Variants in NRG2 observed in about 807,000 individuals in gnomAD.
NRG2 encodes pro-neuregulin-2, membrane-bound isoform.
Under a neutral mutation model 73.9 loss-of-function variants are expected in NRG2, and 27 were observed. The ratio of observed to expected loss-of-function variants is 0.37; its 90% CI spans 0.27 to 0.50. NRG2 has a LOEUF of 0.50. NRG2 is among the 20% of genes least tolerant of loss of function. NRG2 has a pLI of 0.96. For synonymous variants in NRG2, 532 were observed against 541.0 expected, an observed-to-expected ratio of 0.98 and a Z score of 0.23; for missense variants, 1,126 against 1,210.1, an observed-to-expected ratio of 0.93 and a Z score of 1.03.
intron 1 of NRG2, among the ~76,000 whole-genome samples, chr5:139,931,813 T>C (rs1752485713): frequency 6.6e-6 from 1 of 152,202 alleles, no homozygotes; most frequent in Non-Finnish European, 1.5e-5. Context: ...ATCAGTTAAC[T>C]TGAAGACAAA....
At position 139,848,411 on chromosome 5, in the gene NRG2, G is replaced by A. The variant is rs1761164077; in HGVS notation, c.2059C>T (p.Arg687Trp). The A allele has an allele frequency of 1.1e-5, 14 of 1,268,040 alleles. No individual in the cohort carries two copies. Among genetic ancestry groups the A allele is most frequent in the Middle Eastern group, 6.0e-4 (2 of 3,320 alleles). 78.5% of individuals were successfully genotyped at this position (1,268,040 alleles called of 1,614,324 possible). A position where few individuals can be genotyped will look rare whatever the true frequency, so the allele number is the denominator to read the frequency against. ...YYYPAAGPGP[R>W]RGTCALGGSL... ...CCGCCGAGCGCGCAGGTCCCGCGCC[G>A]CGGTCCGGGCCCCGCCGCGGGGTAA... The change falls in exon 10 of 10, where the codon CGG becomes TGG. Residue 687 changes from arginine to tryptophan, a missense_variant. Around this residue, in one of 3 missense-constraint regions of NRG2, gnomAD observed 402 missense variants for 357.8 expected, o/e 1.12. Transcript: ENST00000361474.
At chr5:139,997,795 C>T (rs537500302) in intron 1 of NRG2, among the ~76,000 whole-genome samples, 1 of 152,224 alleles carries the variant, frequency 6.6e-6, no homozygotes, top group South Asian at 2.1e-4. Context: ...AACTTCCAAG[C>T]CTGCTGCCTA....
intron 1 of NRG2, among the ~76,000 whole-genome samples, chr5:139,935,129 C>T (rs1294400486): frequency 6.6e-6 from 1 of 152,120 alleles, no homozygotes; most frequent in Non-Finnish European, 1.5e-5. Flanking sequence ...GATCATGCCA[C>T]TGTACTCCAG....
chr5:139,859,825 G>A lies in NRG2; in HGVS notation c.1190-4047C>T. The A allele has an allele frequency of 2.0e-6, 3 of 1,529,430 alleles. No individual in the cohort carries two copies. The South Asian group carries it at 3.4e-5, about 18-fold the overall frequency. The allele number at this position is 1,529,430 out of a possible 1,614,324, so 94.7% of individuals were successfully genotyped here. On this transcript the variant is annotated intron_variant, in intron 5 of 9. Coordinates refer to ENST00000361474, the MANE Select transcript of NRG2 (RefSeq NM_004883.3). Reference sequence around the variant, plus strand: ...AGGAAACCAAACATTCAGCACACATGGCATCGGAGGCTGTGGAGAGGGGCC... The same window carrying A: ...AGGAAACCAAACATTCAGCACACATAGCATCGGAGGCTGTGGAGAGGGGCC...
At chr5:139,993,272 A>C (rs149929640) in intron 1 of NRG2, among the ~76,000 whole-genome samples, 1 of 152,284 alleles carries the variant, frequency 6.6e-6, no homozygotes, top group Admixed American at 6.5e-5. Flanking sequence ...ACCATGGGCT[A>C]TGAGGCCCAC....
In NRG2 at chr5:139,915,781, T is replaced by C. The variant is rs1751204435; in HGVS notation, c.701-28270A>G. ...TGAAAGGAAGGATCATGGTGACATT[T>C]GTATCGCAAAAGATGAGCTGAGAGT... On this transcript the variant is annotated intron_variant, in intron 1 of 9. Coordinates refer to ENST00000361474, the MANE Select transcript of NRG2 (RefSeq NM_004883.3). The surrounding 1 kb of genome is among the most constrained non-coding windows in gnomAD (Gnocchi z 4.0). Among the ~76,000 whole-genome samples, 1 of 152,204 alleles carries C rather than the reference T, an allele frequency of 6.6e-6. No homozygotes were observed. Among genetic ancestry groups the C allele is most frequent in the East Asian group, 1.9e-4 (1 of 5,198 alleles).
intron 1 of NRG2, among the ~76,000 whole-genome samples, chr5:139,993,043 T>C (rs1325133747): frequency 6.6e-6 from 1 of 152,158 alleles, no homozygotes; most frequent in Non-Finnish European, 1.5e-5. Context: ...TGTGTGGTGT[T>C]TTCCTCTGTT....
Position 140,036,902 on chromosome 5 carries a change from A to C in NRG2, c.700+5468T>G, listed in dbSNP as rs74632668. On this transcript the variant is annotated intron_variant, in intron 1 of 9. Transcript: ENST00000361474. ...TTTTCAAAATTGCCAAATGCCACTA[A>C]GCAAACAGCGCTTAGAGGGTTAAGA... 2.6e-3 allele frequency among the ~76,000 whole-genome samples: 396 copies of C among 152,368 alleles called. 2 individuals carry two copies. The highest frequency in any genetic ancestry group is 9.2e-3 in the African/African-American group (381 of 41,586).
chr5:139,885,031 A>G (rs1271625198), intron 2 of NRG2, among the ~76,000 whole-genome samples: 1 of 152,172 alleles, frequency 6.6e-6, no homozygotes, highest in Non-Finnish European at 1.5e-5. Flanking sequence ...TACAGCAGGC[A>G]GGGGAGAGGC....
At chr5:139,921,909 T>C (rs754660789) in intron 1 of NRG2, among the ~76,000 whole-genome samples, 3 of 150,846 alleles carry the variant, frequency 2.0e-5, no homozygotes, top group Non-Finnish European at 4.4e-5. Context: ...CTACAAAAAA[T>C]AAAAATAAAA....
At chr5:139,997,090 C>T (rs557991162) in intron 1 of NRG2, among the ~76,000 whole-genome samples, 97 of 152,190 alleles carry the variant, frequency 6.4e-4, no homozygotes, top group African/African-American at 2.3e-3. Flanking sequence ...CGTGGTGAGC[C>T]AAGATCGCAC....
chr5:139,957,151 C>G (rs1330327895), intron 1 of NRG2, among the ~76,000 whole-genome samples: 43 of 152,336 alleles, frequency 2.8e-4, no homozygotes, highest in African/African-American at 1.0e-3. Context: ...CTCCTGCCTG[C>G]ACACCTCTCT....
In NRG2 at chr5:139,855,795, G is replaced by A; in HGVS notation, c.1190-17C>T. 1 of 1,602,226 alleles carries A rather than the reference G, an allele frequency of 6.2e-7. No homozygotes were observed. Among genetic ancestry groups the A allele is most frequent in the South Asian group, 1.1e-5 (1 of 90,850 alleles). ...CCTCGGCTTCTGCAGAGGTAGGGTA[G>A]ATGTGAGGGGTGGGGCAGGAGGCAA... is the stretch of plus-strand genomic sequence containing the variant. On this transcript the variant is annotated splice_polypyrimidine_tract_variant and intron_variant, in intron 5 of 9. Coordinates refer to ENST00000361474, the MANE Select transcript of NRG2 (RefSeq NM_004883.3).
At chr5:139,944,312 C>G (rs1429645296) in intron 1 of NRG2, among the ~76,000 whole-genome samples, 1 of 152,160 alleles carries the variant, frequency 6.6e-6, no homozygotes, top group Non-Finnish European at 1.5e-5. Context: ...TTATTATTAA[C>G]TATAGTCATC....
At chr5:140,023,733 A>G (rs1760428220) in intron 1 of NRG2, among the ~76,000 whole-genome samples, 1 of 152,192 alleles carries the variant, frequency 6.6e-6, no homozygotes, top group Non-Finnish European at 1.5e-5. Flanking sequence ...CTGCACACCC[A>G]TCTAGCTGAT....
chr5:139,915,483 C>T lies in NRG2; in HGVS notation c.701-27972G>A, dbSNP rs551175426. Among the ~76,000 whole-genome samples, 2 of 152,300 alleles carry T rather than the reference C, an allele frequency of 1.3e-5. No homozygotes were observed. Among genetic ancestry groups the T allele is most frequent in the South Asian group, 4.1e-4 (2 of 4,830 alleles). Reference sequence around the variant, plus strand: ...GGGTCCCCCAGGTCCTGCTTACATTCCACTGGTGCCTGATGCAGGCCCCTG... The same window carrying T: ...GGGTCCCCCAGGTCCTGCTTACATTTCACTGGTGCCTGATGCAGGCCCCTG... On this transcript the variant is annotated intron_variant, in intron 1 of 9. Coordinates refer to ENST00000361474, the MANE Select transcript of NRG2 (RefSeq NM_004883.3). This position sits in a 1 kb window ranked among gnomAD's most constrained non-coding sequence, Gnocchi z 4.0.
At position 139,852,828 on chromosome 5, in the gene NRG2, C is replaced by A; in HGVS notation, c.1416+76G>T. On this transcript the variant is annotated intron_variant, in intron 7 of 9. Coordinates refer to ENST00000361474, the MANE Select transcript of NRG2 (RefSeq NM_004883.3). The surrounding 1 kb of genome is among the most constrained non-coding windows in gnomAD (Gnocchi z 4.4). ...TGGGATAGGCTGGCTGCTGCCCTGGCCCATCCTTGCAGGGGGCATGAGAAG... is the reference window on the plus strand; with the variant it reads ...TGGGATAGGCTGGCTGCTGCCCTGGACCATCCTTGCAGGGGGCATGAGAAG... 1 of 1,594,408 alleles carries A rather than the reference C, an allele frequency of 6.3e-7. No individual in the cohort carries two copies.
Position 140,042,479 on chromosome 5 carries a change from G to C in NRG2, c.591C>G (p.Phe197Leu). The change falls in exon 1 of 10, where the codon TTC (phenylalanine) becomes TTG (leucine). Residue 197 changes from phenylalanine to leucine, a missense_variant. By Grantham distance (22) the Phe-to-Leu change is conservative. Around this residue, in one of 3 missense-constraint regions of NRG2, gnomAD observed 539 missense variants for 703.2 expected, o/e 0.77. Coordinates refer to ENST00000361474, the MANE Select transcript of NRG2 (RefSeq NM_004883.3). ...CTAAGGGCTGTTCCGTGGGCTCCAG[G>C]AAAAAGATGTAGCGCTGGTTCCTTT... ...PLERNQRYIFFLEPTEQPLVF... is the reference protein window; with the variant it reads ...PLERNQRYIFLLEPTEQPLVF... The C allele has an allele frequency of 6.2e-7, 1 of 1,613,728 alleles. No individual in the cohort carries two copies. The highest frequency in any genetic ancestry group is 1.1e-5 in the South Asian group (1 of 91,048).
chr5:139,848,409 CCG>C lies in NRG2; in HGVS notation c.2059_2060del (p.Arg687AlafsTer208). 7.9e-7 allele frequency: 1 copy of C among 1,269,412 alleles called. No individual in the cohort carries two copies. Among genetic ancestry groups the C allele is most frequent in the Non-Finnish European group, 9.8e-7 (1 of 1,015,466 alleles). The allele number at this position is 1,269,412 out of a possible 1,614,324, so 78.6% of individuals were successfully genotyped here. ...YYYPAAGPGP[R>X]RGTCALGGSL... ...TGCCGCCGAGCGCGCAGGTCCCGCG[CCG>C]CGGTCCGGGCCCCGCCGCGGGGTAA... On this transcript the variant is annotated frameshift_variant, in exon 10 of 10. Transcript: ENST00000361474. LOFTEE classifies it high-confidence loss of function.
Sources: gnomAD v4.1 joint callset for allele counts (sites outside exome capture counted in the v4.1 genomes callset) on GRCh38, gnomAD v4.1.1 for gene constraint, gnomAD v4.1.1 regional missense constraint, Gnocchi (gnomAD v3.1) non-coding constraint, MANE v1.5 for transcripts, NCBI Gene and HGNC (gene_info 2026-07-23, HGNC 2026-07-21) for gene names.